RER1: variants seen among roughly 807,000 people sequenced by gnomAD.
RER1 encodes retention in endoplasmic reticulum sorting receptor 1.
A neutral mutation model predicts 28.3 loss-of-function variants in RER1; 6 were observed. The observed-to-expected ratio is 0.21, with a 90% confidence interval of 0.12 to 0.42. The LOEUF is 0.42. Among genes scored for constraint, RER1 ranks in the 10% least tolerant of loss-of-function variants. The pLI, the probability that RER1 is intolerant of heterozygous loss-of-function variation, is 1.00. For synonymous variants in RER1, 110 were observed against 95.9 expected, an observed-to-expected ratio of 1.15 and a Z score of -0.86; for missense variants, 159 against 252.9, an observed-to-expected ratio of 0.63 and a Z score of 2.52.
In RER1 at chr1:2,400,876, C is replaced by T; in HGVS notation, c.306C>T (p.Pro102=). 1 of 1,614,086 alleles carries T rather than the reference C, an allele frequency of 6.2e-7. No individual in the cohort carries two copies. The highest frequency in any genetic ancestry group is 1.1e-5 in the South Asian group (1 of 91,082). Reference sequence around the variant, plus strand: ...TTACAGATGACGGTCCTTCGCTACCCACCAAACAGAACGAGGAATTCCGCC... The same window carrying T: ...TTACAGATGACGGTCCTTCGCTACCTACCAAACAGAACGAGGAATTCCGCC... The part of the protein sequence containing the change: ...MEDSDDGPSL[P]TKQNEEFRPF... Residue 102 remains proline (P), a synonymous_variant, in exon 5 of 7, where the codon CCC becomes CCT. Transcript: ENST00000605895.
chr1:2,401,896 C>A, intron 5 of RER1: 1 of 826,448 alleles, frequency 1.2e-6, no homozygotes, highest in Non-Finnish European at 1.8e-6. Flanking sequence ...GGTTTCTCTC[C>A]AGATCGCAGG....
intron 3 of RER1, among the ~76,000 whole-genome samples, chr1:2,397,705 C>T (rs964448506): frequency 6.6e-6 from 1 of 152,220 alleles, no homozygotes; most frequent in Non-Finnish European, 1.5e-5. Flanking sequence ...GTAAGAGAGA[C>T]AGTGACCGAA....
chr1:2,401,908 C>G (rs573052119), intron 5 of RER1: 135 of 955,346 alleles, frequency 1.4e-4, no homozygotes, highest in Non-Finnish European at 2.0e-4. Flanking sequence ...GATCGCAGGC[C>G]CAGCCAGCAG....
chr1:2,402,647 C>T (rs1570087249), intron 6 of RER1, among the ~76,000 whole-genome samples: 1 of 152,236 alleles, frequency 6.6e-6, no homozygotes, highest in Non-Finnish European at 1.5e-5. Context: ...CAGTGCCCCG[C>T]GCCAGCCTGC....
At chr1:2,401,212 C>G (rs796164199) in intron 5 of RER1, among the ~76,000 whole-genome samples, 1,970 of 128,018 alleles carry the variant, frequency 0.015, 251 homozygotes, top group East Asian at 0.024. Context: ...GTCCTCCCTC[C>G]TCCTCCCTCC....
chr1:2,399,936 A>C (rs534804141), intron 4 of RER1, among the ~76,000 whole-genome samples: 1 of 152,326 alleles, frequency 6.6e-6, no homozygotes, highest in African/African-American at 2.4e-5. Context: ...TGGTGCACAG[A>C]GACCGCCGGG....
At chr1:2,393,490 G>A (rs1026322798) in intron 1 of RER1, among the ~76,000 whole-genome samples, 2 of 152,212 alleles carry the variant, frequency 1.3e-5, no homozygotes, top group Non-Finnish European at 2.9e-5. Flanking sequence ...GACTGCAGAG[G>A]GGGCAGCTGG....
chr1:2,401,682 C>T (rs77826251), intron 5 of RER1, among the ~76,000 whole-genome samples: 358 of 152,232 alleles, frequency 2.4e-3, no homozygotes, highest in African/African-American at 8.3e-3. Flanking sequence ...TGGGGCTCCA[C>T]GCCTTGACTT....
At chr1:2,395,920 G>A (rs1162462320) in intron 2 of RER1, 49 bp downstream of exon 2, 2 of 1,378,542 alleles carry the variant, frequency 1.5e-6, no homozygotes, top group Admixed American at 1.7e-5. Context: ...AAAAGAAACG[G>A]GACTCCCAGC....
chr1:2,396,983 C>G (rs779395368), intron 2 of RER1, 133 bp from the exon 3 acceptor site: 2 of 586,868 alleles, frequency 3.4e-6, no homozygotes, highest in Non-Finnish European at 6.3e-6. Flanking sequence ...TAGATGATCT[C>G]TTGCTATTTT....
At chr1:2,401,371 T>TCC (rs1557903973) in intron 5 of RER1, among the ~76,000 whole-genome samples, 17 of 4,358 alleles carry the variant, frequency 3.9e-3, no homozygotes, top group Non-Finnish European at 5.4e-3. Context: ...TCCTCCCTCC[T>TCC]TCCTCCCTCC....
Position 2,395,812 on chromosome 1 carries a change from G to A in RER1, c.22G>A (p.Gly8Arg), listed in dbSNP as rs755309504. The stretch of plus-strand genomic sequence containing the variant: ...CAGAATGTCTGAAGGGGACAGTGTG[G>A]GAGAATCCGTCCATGGGAAACCTTC... MSEGDSV[G>R]ESVHGKPSVV... The change falls in exon 2 of 7, where the codon GGA becomes AGA. Residue 8 changes from glycine to arginine, a missense_variant. Transcript: ENST00000605895. 1.2e-6 allele frequency: 2 copies of A among 1,613,810 alleles called. No homozygotes were observed. The highest frequency in any genetic ancestry group is 1.1e-5 in the South Asian group (1 of 91,076).
chr1:2,400,762 G>A (rs1642834993), intron 4 of RER1, 95 bp from the exon 5 acceptor site: 1 of 1,018,560 alleles, frequency 9.8e-7, no homozygotes, highest in Non-Finnish European at 1.5e-6. Context: ...GTTTAGATTT[G>A]TGAGGCCTGC....
rs370630147 is a variant in RER1 at position 2,397,169 on chromosome 1, C to T, written c.135C>T (p.Val45=). Residue 45 remains valine, a synonymous_variant, in exon 3 of 7, where the codon GTC becomes GTT. Coordinates refer to ENST00000605895, the MANE Select transcript of RER1 (RefSeq NM_007033.5). ...CACCCTACACGGCTGTGCGATGGGT[C>T]GTGACACTGGGCCTGAGCTTTGTCT... is the stretch of plus-strand genomic sequence containing the variant. ...KSTPYTAVRW[V]VTLGLSFVYM... is the part of the protein sequence containing the mutation. The T allele has an allele frequency of 1.7e-5, 28 of 1,613,934 alleles. No homozygotes were observed. The highest frequency in any genetic ancestry group is 1.1e-4 in the African/African-American group (8 of 74,920).
intron 3 of RER1, among the ~76,000 whole-genome samples, chr1:2,398,947 A>C (rs945658348): frequency 6.6e-6 from 1 of 152,136 alleles, no homozygotes. Flanking sequence ...TGTTGGAGGA[A>C]CATCAGCCAG....
chr1:2,402,152 C>G (rs1375563294), intron 5 of RER1, 55 bp from the exon 6 acceptor site: 1 of 1,613,944 alleles, frequency 6.2e-7, no homozygotes. Flanking sequence ...AGGCGGCCGG[C>G]AGGTGCCCGG....
At chr1:2,392,498 C>G (rs967333667) in intron 1 of RER1, among the ~76,000 whole-genome samples, 1 of 152,224 alleles carries the variant, frequency 6.6e-6, no homozygotes, top group Admixed American at 6.5e-5. Flanking sequence ...ATCATAAATT[C>G]TCCAGGCTGA....
At position 2,402,388 on chromosome 1, in the gene RER1, G is replaced by A. The variant is rs767542940; in HGVS notation, c.501+46G>A. On this transcript the variant is annotated intron_variant, in intron 6 of 6. Transcript: ENST00000605895. ...CCACGCCGGCCGCAATCGCTGTTCT[G>A]TTACCCGCAGCATTGGGGGAGCTGT... 5.6e-6 allele frequency: 9 copies of A among 1,611,868 alleles called. No individual in the cohort carries two copies. In the African/African-American group the frequency reaches 1.2e-4, roughly 22 times the overall value.
At position 2,395,840 on chromosome 1, in the gene RER1, T is replaced by C. The variant is rs900290362; in HGVS notation, c.50T>C (p.Val17Ala). 6.2e-7 allele frequency: 1 copy of C among 1,614,088 alleles called. No homozygotes were observed. Among genetic ancestry groups the C allele is most frequent in the Non-Finnish European group, 8.5e-7 (1 of 1,179,940 alleles). The change falls in exon 2 of 7, where the codon GTG becomes GCG. Residue 17 changes from valine to alanine, a missense_variant. Physicochemically the swap from Val to Ala is moderately conservative, Grantham distance 64. Coordinates refer to ENST00000605895, the MANE Select transcript of RER1 (RefSeq NM_007033.5). ...GAATCCGTCCATGGGAAACCTTCGG[T>C]GGTGTACAGATTTTTCACAAGACTT... ...VGESVHGKPS[V>A]VYRFFTRLGQ...
Sources: gnomAD v4.1 joint callset for allele counts (sites outside exome capture counted in the v4.1 genomes callset) on GRCh38, gnomAD v4.1.1 for gene constraint, MANE v1.5 for transcripts, NCBI Gene and HGNC (gene_info 2026-07-23, HGNC 2026-07-21) for gene names.